Variants in PASD1 observed in about 807,000 individuals in gnomAD.
PASD1 encodes the protein circadian clock protein PASD1.
A neutral mutation model predicts 58.8 loss-of-function variants in PASD1; 13 were observed. The ratio of observed to expected loss-of-function variants is 0.22; its 90% CI spans 0.14 to 0.35. The LOEUF is 0.35. Ranked by LOEUF, PASD1 falls within the 10% of genes least tolerant of loss-of-function variation. The pLI is 1.00. For synonymous variants in PASD1, 236 were observed against 216.7 expected, an observed-to-expected ratio of 1.09 and a Z score of -0.78; for missense variants, 734 against 568.3, an observed-to-expected ratio of 1.29 and a Z score of -2.96.
chrX:151,625,472 A>G lies in PASD1; in HGVS notation c.571A>G (p.Ser191Gly). The change falls in exon 8 of 16, where the codon AGT becomes GGT. Residue 191 changes from serine (S) to glycine (G), a missense_variant. Physicochemically the swap from Ser to Gly is moderately conservative, Grantham distance 56. Coordinates refer to ENST00000370357, the MANE Select transcript of PASD1 (RefSeq NM_173493.3). ...GCAACTTTACACTTCAAAGGCAGTC[A>G]GTGATGAAGCTGTACTTACACAAGA... ...LQQLYTSKAVSDEAVLTQDSD... is the reference protein window; with the variant it reads ...LQQLYTSKAVGDEAVLTQDSD... The G allele has an allele frequency of 2.5e-6, 3 of 1,209,660 alleles. No individual in the cohort carries two copies. The highest frequency in any genetic ancestry group is 3.4e-6 in the Non-Finnish European group (3 of 894,281).
intron 4 of PASD1, among the ~76,000 whole-genome samples, chrX:151,612,619 T>G (rs5924971): frequency 0.51 from 56,300 of 109,843 alleles, 11,440 homozygotes; most frequent in East Asian, 0.93. Flanking sequence ...TGTCTTCTTT[T>G]GAGAAGTGTC....
chrX:151,644,022 T>C (rs2014028698), intron 8 of PASD1, among the ~76,000 whole-genome samples: 1 of 111,688 alleles, frequency 9.0e-6, no homozygotes, highest in South Asian at 3.8e-4. Context: ...TTGAGGGTGA[T>C]GATGAAGCAT....
chrX:151,628,173 G>T (rs1279418972), intron 8 of PASD1, among the ~76,000 whole-genome samples: 1 of 110,970 alleles, frequency 9.0e-6, no homozygotes, highest in Non-Finnish European at 1.9e-5. Context: ...CACTCTGATG[G>T]TAGTTTCTTT....
chrX:151,674,719 C>T (rs1442524411), intron 15 of PASD1, among the ~76,000 whole-genome samples: 1 of 112,494 alleles, frequency 8.9e-6, no homozygotes, highest in Non-Finnish European at 1.9e-5. Context: ...ATGGCAGTTA[C>T]GTAGCAGGTT....
chrX:151,648,188 A>C (rs1004833697), intron 8 of PASD1, among the ~76,000 whole-genome samples: 1 of 111,060 alleles, frequency 9.0e-6, no homozygotes, highest in African/African-American at 3.3e-5. Flanking sequence ...GCAAATTTCT[A>C]TCTAATTTTG....
At chrX:151,653,767 T>TTTCC (rs2014174038) in intron 9 of PASD1, among the ~76,000 whole-genome samples, 1 of 3,674 alleles carries the variant, frequency 2.7e-4, no homozygotes, top group African/African-American at 4.5e-4. Flanking sequence ...TCTTTCTTTC[T>TTTCC]TTCTTTCTTT....
intron 9 of PASD1, among the ~76,000 whole-genome samples, chrX:151,653,823 C>T (rs1474129264): frequency 2.5e-4 from 6 of 24,111 alleles, no homozygotes; most frequent in South Asian, 4.1e-3. Context: ...TCCTTCCTTC[C>T]TTCCTTCCTT....
rs1421095821 is a variant in PASD1, at chrX:151,672,665, A to T, written c.1916+4A>T. ...AACAGGAAGATGAGAGTCAAAGGTA[A>T]GACATGCATGGAATGGTGATAGTGG... On this transcript the variant is annotated splice_donor_region_variant and intron_variant, in intron 14 of 15. Transcript: ENST00000370357. 6 of 1,209,868 alleles carry T rather than the reference A, an allele frequency of 5.0e-6. No individual in the cohort carries two copies. Among genetic ancestry groups the T allele is most frequent in the Non-Finnish European group, 6.7e-6 (6 of 894,408 alleles).
At chrX:151,567,088 AT>A (rs1321914452) in intron 1 of PASD1, among the ~76,000 whole-genome samples, 38 of 104,288 alleles carry the variant, frequency 3.6e-4, no homozygotes, top group African/African-American at 1.3e-3. Flanking sequence ...AAATAAATAA[AT>A]AAATAAAATA....
At chrX:151,595,679 C>G (rs1041005646) in intron 1 of PASD1, among the ~76,000 whole-genome samples, 2 of 110,273 alleles carry the variant, frequency 1.8e-5, no homozygotes, top group Non-Finnish European at 3.8e-5. Context: ...GAGCCGAGAT[C>G]GTGCCACTGT....
At chrX:151,607,710 A>AT (rs1463351267) in intron 3 of PASD1, among the ~76,000 whole-genome samples, 1 of 111,915 alleles carries the variant, frequency 8.9e-6, no homozygotes, top group Non-Finnish European at 1.9e-5. Flanking sequence ...GATGTTAGCA[A>AT]TTCTGTCCTT....
chrX:151,576,664 AGTG>A (rs1192131657), intron 1 of PASD1, among the ~76,000 whole-genome samples: 1 of 111,553 alleles, frequency 9.0e-6, no homozygotes, highest in Admixed American at 9.5e-5. Flanking sequence ...ATCAATAAGA[AGTG>A]TGTGTGTGTA....
rs1024921407 is a variant in PASD1, at chrX:151,572,181, G to C, written c.-28+8342G>C. Among the ~76,000 whole-genome samples the C allele has an allele frequency of 8.1e-5, 9 of 111,144 alleles. 1 individual carries two copies. The highest frequency in any genetic ancestry group is 4.2e-3 in the Middle Eastern group (1 of 240). ...TTTTTAGAGAATTATTTTGACAGTT[G>C]TAAGTTATAAGAGCTATAGCTCTTC... On this transcript the variant is annotated intron_variant, in intron 1 of 15. Coordinates refer to ENST00000370357, the MANE Select transcript of PASD1 (RefSeq NM_173493.3).
At chrX:151,617,048 A>G (rs760599692) in intron 4 of PASD1, among the ~76,000 whole-genome samples, 1 of 111,261 alleles carries the variant, frequency 9.0e-6, no homozygotes, top group Non-Finnish European at 1.9e-5. Context: ...TCTTTTTTTG[A>G]CGTGACTGAG....
chrX:151,648,682 G>C lies in PASD1; in HGVS notation c.697G>C (p.Ala233Pro). The C allele has an allele frequency of 1.7e-6, 2 of 1,211,223 alleles. No individual in the cohort carries two copies. Among genetic ancestry groups the C allele is most frequent in the Non-Finnish European group, 2.2e-6 (2 of 895,334 alleles). The stretch of plus-strand genomic sequence containing the variant: ...GTACGTTGAACCCGCTGCTGCTGCT[G>C]CTGCTGCTGCTATCTCAGACGTATG... ...AVYVEPAAAA[A>P]AAAISDDQID... is the part of the protein sequence containing the mutation. Residue 233 changes from alanine (A) to proline (P), a missense_variant, in exon 9 of 16, where the codon GCT (alanine) becomes CCT (proline). Physicochemically the swap from Ala to Pro is conservative, Grantham distance 27. Coordinates refer to ENST00000370357, the MANE Select transcript of PASD1 (RefSeq NM_173493.3).
chrX:151,672,294 G>A lies in PASD1; in HGVS notation c.1549G>A (p.Glu517Lys). ...GGTGCAGAAGCAGAAGAAGATGCAG[G>A]AGAAGAAGAAGCTGCAGGAGCAGAA... is the stretch of plus-strand genomic sequence containing the variant. Reference protein sequence around the residue: ...RKVQKQKKMQEKKKLQEQKMQ... With the variant: ...RKVQKQKKMQKKKKLQEQKMQ... The change falls in exon 14 of 16, where the codon GAG becomes AAG. Residue 517 changes from glutamate (E) to lysine (K), a missense_variant. Physicochemically the swap from Glu to Lys is moderately conservative, Grantham distance 56. Transcript: ENST00000370357. 8.6e-7 allele frequency: 1 copy of A among 1,168,695 alleles called. No individual in the cohort carries two copies. Among genetic ancestry groups the A allele is most frequent in the Non-Finnish European group, 1.1e-6 (1 of 873,734 alleles).
intron 6 of PASD1, among the ~76,000 whole-genome samples, chrX:151,622,256 A>C (rs1412494289): frequency 9.0e-6 from 1 of 111,037 alleles, no homozygotes. Context: ...ATTAATTAAT[A>C]TTAACTGGTT....
chrX:151,658,047 C>G (rs908339868), intron 9 of PASD1, among the ~76,000 whole-genome samples: 5 of 111,279 alleles, frequency 4.5e-5, no homozygotes, highest in African/African-American at 1.6e-4. Flanking sequence ...TGAATGCCCT[C>G]TTCCCCCTCT....
chrX:151,586,208 T>G (rs2013161950), intron 1 of PASD1, among the ~76,000 whole-genome samples: 1 of 112,406 alleles, frequency 8.9e-6, no homozygotes, highest in Non-Finnish European at 1.9e-5. Flanking sequence ...GTAGTGGTTA[T>G]AAACTGAATT....
Sources: gnomAD v4.1 joint callset for allele counts (sites outside exome capture counted in the v4.1 genomes callset) on GRCh38, gnomAD v4.1.1 for gene constraint, MANE v1.5 for transcripts, NCBI Gene and HGNC (gene_info 2026-07-23, HGNC 2026-07-21) for gene names.